Variants in IQCE observed in about 807,000 individuals in gnomAD.
IQCE encodes IQ domain-containing protein E.
In IQCE, 115 loss-of-function variants were observed where a neutral mutation model predicts 96.0. The observed-to-expected ratio is 1.20, with a 90% CI of 1.03 to 1.40. IQCE has a LOEUF of 1.40. Among genes scored for constraint, IQCE ranks in the 40% most tolerant of loss-of-function variants. IQCE has a pLI of 0.00. For synonymous variants in IQCE, 412 were observed against 371.2 expected (o/e 1.11, Z -1.26); for missense variants, 1,041 against 909.1 (o/e 1.15, Z -1.87).
chr7:2,581,044 C>T (rs1042390473), intron 8 of IQCE, among the ~76,000 whole-genome samples: 7 of 151,970 alleles, frequency 4.6e-5, no homozygotes, highest in African/African-American at 1.2e-4. Flanking sequence ...GGGGTTTCAC[C>T]GTGTTAGCCA....
At chr7:2,607,471 C>T (rs1317720041) in intron 21 of IQCE, 9 of 1,311,388 alleles carry the variant, frequency 6.9e-6, no homozygotes, top group Non-Finnish European at 8.7e-6. Flanking sequence ...ATTTTTTGCT[C>T]TCAGCTCCAA....
chr7:2,598,717 G>A, intron 17 of IQCE, 85 bp downstream of exon 17: 2 of 1,216,304 alleles, frequency 1.6e-6, no homozygotes, highest in Non-Finnish European at 1.1e-6. Context: ...GAATGACTGG[G>A]CCTGGAGGGC....
chr7:2,592,221 G>T (rs1422930795), intron 14 of IQCE, among the ~76,000 whole-genome samples: 1 of 152,246 alleles, frequency 6.6e-6, no homozygotes, highest in Non-Finnish European at 1.5e-5. Context: ...CTCACGTGAG[G>T]TCTCGGAGTG....
In IQCE at chr7:2,582,628, AAGG is replaced by A. The variant is rs1562644575; in HGVS notation, c.682_684del (p.Glu228del). 2 of 1,613,852 alleles carry A rather than the reference AAGG, an allele frequency of 1.2e-6. No individual in the cohort carries two copies. Among genetic ancestry groups the A allele is most frequent in the African/African-American group, 1.3e-5 (1 of 74,864 alleles). On this transcript the variant is annotated inframe_deletion, in exon 9 of 22. Transcript: ENST00000402050. ...GATCCTGAAGCTGGAACAGCAGTGC[AAGG>A]AGAAGGACGGCACCATCAGGTGGGC...
intron 6 of IQCE, among the ~76,000 whole-genome samples, chr7:2,576,196 C>T (rs561752757): frequency 6.6e-6 from 1 of 152,232 alleles, no homozygotes; most frequent in African/African-American, 2.4e-5. Flanking sequence ...TCTGGAATAC[C>T]ACAGTCTTTT....
rs7786703 is a variant in IQCE, at chr7:2,584,247, C to G, written c.786C>G (p.Leu262=). The G allele has an allele frequency of 1.8e-3, 2,966 of 1,613,994 alleles. 44 individuals carry two copies. The African/African-American group carries it at 0.028, about 15-fold the overall frequency. ...METYYEEVHR[L]QTLLASSETT... ...TTTGGTATTTACAGGTGCATCGTCT[C>G]CAGACCCTCTTGGCAAGTTCTGAAA... The change falls in exon 11 of 22, where the codon CTC becomes CTG. Residue 262 remains leucine, a synonymous_variant. Transcript: ENST00000402050.
rs1288335679 is a variant in IQCE, at chr7:2,584,279, G to A, written c.818G>A (p.Gly273Glu). Residue 273 changes from glycine to glutamate, a missense_variant, in exon 11 of 22, where the codon GGA (glycine) becomes GAA (glutamate). Gly to Glu is a moderately conservative substitution (Grantham distance 98). Transcript: ENST00000402050. ...QTLLASSETT[G>E]KKPLGEKKTG... ...CTCTTGGCAAGTTCTGAAACCACCGGAAAGAAGTATGATGGCCGCTTGCAA... is the reference window on the plus strand; with the variant it reads ...CTCTTGGCAAGTTCTGAAACCACCGAAAAGAAGTATGATGGCCGCTTGCAA... 6.2e-7 allele frequency: 1 copy of A among 1,614,064 alleles called. No individual in the cohort carries two copies. Among genetic ancestry groups the A allele is most frequent in the East Asian group, 2.2e-5 (1 of 44,882 alleles).
At position 2,562,027 on chromosome 7, in the gene IQCE, T is replaced by A. The variant is rs962874920; in HGVS notation, c.36+2810T>A. On this transcript the variant is annotated intron_variant, in intron 1 of 21. Coordinates refer to ENST00000402050, the MANE Select transcript of IQCE (RefSeq NM_152558.5). ...TCCTCTGTTAAATATTGTGTTGCCC[T>A]GGATTTTTGTAGATGCCATTTATTA... Among the ~76,000 whole-genome samples the A allele has an allele frequency of 3.9e-5, 6 of 152,354 alleles. No homozygotes were observed. The East Asian group carries it at 1.2e-3, about 29-fold the overall frequency.
chr7:2,579,682 T>C (rs79388915), intron 8 of IQCE, among the ~76,000 whole-genome samples: 1 of 150,974 alleles, frequency 6.6e-6, no homozygotes, highest in East Asian at 1.9e-4. Context: ...AAAGGCTCCA[T>C]GTTTTTGTTG....
Position 2,610,393 on chromosome 7 carries a change from C to T in IQCE, c.*231C>T, listed in dbSNP as rs927260917. ...ATCCCCCTCATCTCCAGCTGCAGCT[C>T]GGATGGTGGATTTTCAGTGCCAACA... On this transcript the variant is annotated 3_prime_UTR_variant, in exon 22 of 22. Coordinates refer to ENST00000402050, the MANE Select transcript of IQCE (RefSeq NM_152558.5). The T allele has an allele frequency of 3.6e-5, 17 of 477,892 alleles. No homozygotes were observed. Among genetic ancestry groups the T allele is most frequent in the South Asian group, 1.4e-4 (6 of 41,820 alleles). The allele number at this position is 477,892 out of a possible 1,614,324, so 29.6% of individuals were successfully genotyped here.
rs758142732 is a variant in IQCE at position 2,610,137 on chromosome 7, T to A, written c.2063T>A (p.Leu688Gln). The change falls in exon 22 of 22, where the codon CTG (leucine) becomes CAG (glutamine). Residue 688 changes from leucine (L) to glutamine (Q), a missense_variant. By Grantham distance (113) the Leu-to-Gln change is moderately radical. Transcript: ENST00000402050. ...DSDDIVIAPS[L>Q]PTKNFPV ...GACGATATTGTCATTGCACCGTCTC[T>A]GCCCACGAAGAACTTTCCAGTTTAG... 6.2e-7 allele frequency: 1 copy of A among 1,611,368 alleles called. No individual in the cohort carries two copies. The highest frequency in any genetic ancestry group is 1.3e-5 in the African/African-American group (1 of 74,894).
intron 9 of IQCE, among the ~76,000 whole-genome samples, chr7:2,583,163 A>C (rs541720990): frequency 6.6e-6 from 1 of 152,218 alleles, no homozygotes; most frequent in Admixed American, 6.5e-5. Flanking sequence ...AACCTCCATG[A>C]CTTTGCTTTC....
Position 2,578,339 on chromosome 7 carries a change from T to C in IQCE, c.563T>C (p.Leu188Pro), listed in dbSNP as rs1782368423. 1 of 1,613,932 alleles carries C rather than the reference T, an allele frequency of 6.2e-7. No homozygotes were observed. The highest frequency in any genetic ancestry group is 8.5e-7 in the Non-Finnish European group (1 of 1,179,952). The change falls in exon 7 of 22, where the codon CTC becomes CCC. Residue 188 changes from leucine to proline, a missense_variant. Transcript: ENST00000402050. The stretch of plus-strand genomic sequence containing the variant: ...AGGAAGGACCGGCAGATAGAGCAGC[T>C]CCTGGATCCCAGCCGCGTAAGCTCC... ...NSRKDRQIEQ[L>P]LDPSRGTDFV...
chr7:2,589,574 C>T (rs117748288), intron 13 of IQCE, among the ~76,000 whole-genome samples: 31 of 152,226 alleles, frequency 2.0e-4, no homozygotes, highest in African/African-American at 6.7e-4. Flanking sequence ...CTGAAAATGT[C>T]GGCAGTTCCA....
intron 19 of IQCE, 42 bp from the exon 20 acceptor site, chr7:2,605,834 G>C: frequency 6.7e-7 from 1 of 1,496,866 alleles, no homozygotes; most frequent in Non-Finnish European, 9.0e-7. Flanking sequence ...GCCAGCAGGG[G>C]GCTGCCAAAC....
intron 8 of IQCE, among the ~76,000 whole-genome samples, chr7:2,579,646 G>GT (rs1269231230): frequency 6.6e-5 from 10 of 152,068 alleles, no homozygotes; most frequent in Admixed American, 3.3e-4. Flanking sequence ...ACAAATGCCT[G>GT]TAAGTAGTGG....
Position 2,572,255 on chromosome 7 carries a change from G to C in IQCE, c.323G>C (p.Gly108Ala), listed in dbSNP as rs1326277133. ...GAGCATGCGTGGACTGGCGTCCCCG[G>C]CGGCACTCCTGACTGTCTGACAGAC... ...TWEHAWTGVP[G>A]GTPDCLTDTF... is the part of the protein sequence containing the mutation. The change falls in exon 5 of 22, where the codon GGC becomes GCC. Residue 108 changes from glycine to alanine, a missense_variant. Physicochemically the swap from Gly to Ala is moderately conservative, Grantham distance 60 (BLOSUM62 0). Transcript: ENST00000402050. 6.2e-7 allele frequency: 1 copy of C among 1,614,066 alleles called. No individual in the cohort carries two copies. The highest frequency in any genetic ancestry group is 8.5e-7 in the Non-Finnish European group (1 of 1,180,024).
At chr7:2,598,340 C>T (rs1784200146) in intron 16 of IQCE, 125 bp from the exon 17 acceptor site, 10 of 928,162 alleles carry the variant, frequency 1.1e-5, no homozygotes, top group Middle Eastern at 2.3e-4. Flanking sequence ...CTCTCTCCTC[C>T]ACATTAGTGA....
At position 2,578,539 on chromosome 7, in the gene IQCE, T is replaced by G; in HGVS notation, c.630+13T>G. 1 of 1,614,036 alleles carries G rather than the reference T, an allele frequency of 6.2e-7. No individual in the cohort carries two copies. Among genetic ancestry groups the G allele is most frequent in the Non-Finnish European group, 8.5e-7 (1 of 1,179,936 alleles). On this transcript the variant is annotated intron_variant, in intron 8 of 21. Coordinates refer to ENST00000402050, the MANE Select transcript of IQCE (RefSeq NM_152558.5). The stretch of plus-strand genomic sequence containing the variant: ...CGATGCCAGTTGGGTGAGTATGGTG[T>G]GTGCAGGACAGAGCCTTTCCCCAGA...
Sources: allele counts gnomAD v4.1 joint callset (sites outside exome capture counted in the v4.1 genomes callset), GRCh38; gene constraint gnomAD v4.1.1; transcripts MANE v1.5; gene names NCBI Gene and HGNC (gene_info 2026-07-23, HGNC 2026-07-21).